The following LRRC37A2 variants were observed in gnomAD, a reference collection of about 807,000 sequenced individuals.
LRRC37A2 encodes the protein leucine rich repeat containing 37 member A2.
A neutral mutation model predicts 68.8 loss-of-function variants in LRRC37A2; 9 were observed. That is an observed-to-expected ratio of 0.13 (90% CI 0.08 to 0.23). The LOEUF (loss-of-function observed/expected upper bound fraction) is 0.23. Ranked by LOEUF, LRRC37A2 falls within the 10% of genes least tolerant of loss-of-function variation. The pLI is 1.00. For synonymous variants in LRRC37A2, 63 were observed against 367.6 expected, an observed-to-expected ratio of 0.17 and a Z score of 9.48; for missense variants, 168 against 950.4, an observed-to-expected ratio of 0.18 and a Z score of 10.82.
the LRRC37A2 span, among the ~76,000 whole-genome samples, chr17:46,809,637 G>A: frequency 1.3e-5 from 2 of 152,104 alleles, no homozygotes; most frequent in Non-Finnish European, 2.9e-5. Context: ...CTTTGCCCTC[G>A]CCCCCCTCAC....
At chr17:46,839,341 C>T in the LRRC37A2 span, among the ~76,000 whole-genome samples, 9 of 152,340 alleles carry the variant, frequency 5.9e-5, no homozygotes, top group African/African-American at 2.2e-4. Context: ...GCTGTGGGTA[C>T]CTGACCCTTG....
chr17:46,986,505 A>G, the LRRC37A2 span, among the ~76,000 whole-genome samples: 91 of 152,340 alleles, frequency 6.0e-4, no homozygotes, highest in African/African-American at 2.1e-3. Flanking sequence ...CCGAGTAGAA[A>G]AAACAAGCCT....
At chr17:46,922,026 ATTTACATGTATG>A in the LRRC37A2 span, among the ~76,000 whole-genome samples, 1 of 152,220 alleles carries the variant, frequency 6.6e-6, no homozygotes, top group African/African-American at 2.4e-5. Context: ...ATAAAGACAC[ATTTACATGTATG>A]TTTATTGCAG....
chr17:46,726,562 C>T, the LRRC37A2 span: 2 of 1,613,848 alleles, frequency 1.2e-6, no homozygotes, highest in Non-Finnish European at 1.7e-6. Flanking sequence ...TTTGATGATG[C>T]GTACAAATCC....
the LRRC37A2 span, among the ~76,000 whole-genome samples, chr17:46,712,697 C>T: frequency 2.3e-4 from 35 of 152,170 alleles, no homozygotes; most frequent in Admixed American, 2.2e-3. Context: ...AAATCACTTA[C>T]AGTGAGGGTG....
the LRRC37A2 span, among the ~76,000 whole-genome samples, chr17:46,716,503 C>G: frequency 6.6e-6 from 1 of 152,110 alleles, no homozygotes; most frequent in African/African-American, 2.4e-5. Context: ...ATGATCCGCA[C>G]GCCTCAGCCT....
the LRRC37A2 span, among the ~76,000 whole-genome samples, chr17:46,892,600 C>G: frequency 6.6e-6 from 1 of 152,358 alleles, no homozygotes; most frequent in African/African-American, 2.4e-5. Flanking sequence ...ATCTCTCTCC[C>G]CACACTGGAC....
the LRRC37A2 span, among the ~76,000 whole-genome samples, chr17:46,589,340 ATTTTTT>A: frequency 5.1e-5 from 4 of 78,678 alleles, no homozygotes; most frequent in Admixed American, 1.4e-4. Flanking sequence ...ATAGGCGTGA[ATTTTTT>A]TTTTTTTTTT....
chr17:46,722,197 T>C, the LRRC37A2 span: 1 of 1,592,714 alleles, frequency 6.3e-7, no homozygotes, highest in African/African-American at 1.3e-5. Flanking sequence ...TTGCAGCGCC[T>C]GCTTAGGAAG....
the LRRC37A2 span, among the ~76,000 whole-genome samples, chr17:46,843,267 C>T: frequency 6.6e-6 from 1 of 152,228 alleles, no homozygotes; most frequent in South Asian, 2.1e-4. Flanking sequence ...AACACTTTTT[C>T]AACCTCCTCT....
chr17:46,912,348 G>T, the LRRC37A2 span, among the ~76,000 whole-genome samples: 1 of 152,220 alleles, frequency 6.6e-6, no homozygotes, highest in Non-Finnish European at 1.5e-5. Context: ...GGTTAATCGG[G>T]AATTCTTTCC....
chr17:46,858,713 A>T, the LRRC37A2 span, among the ~76,000 whole-genome samples: 1 of 152,154 alleles, frequency 6.6e-6, no homozygotes, highest in Non-Finnish European at 1.5e-5. Flanking sequence ...CTCACAAGGA[A>T]ACTAAATGTG....
chr17:46,912,346 G>A, the LRRC37A2 span, among the ~76,000 whole-genome samples: 1 of 152,334 alleles, frequency 6.6e-6, no homozygotes, highest in East Asian at 1.9e-4. Context: ...GGGGTTAATC[G>A]GGAATTCTTT....
chr17:46,890,239 C>T, the LRRC37A2 span, among the ~76,000 whole-genome samples: 4 of 152,176 alleles, frequency 2.6e-5, no homozygotes, highest in Admixed American at 2.6e-4. Context: ...TCCTTCATCT[C>T]AGCTTAAAAT....
chr17:46,557,493 C>G, downstream of LRRC37A2: 1 of 449,514 alleles, frequency 2.2e-6, no homozygotes, highest in Non-Finnish European at 3.6e-6. Context: ...CCACCAGAGC[C>G]TGCACACCTG....
chr17:46,572,589 T>TA, the LRRC37A2 span, among the ~76,000 whole-genome samples: 5 of 2,032 alleles, frequency 2.5e-3, no homozygotes, highest in African/African-American at 2.6e-3. Context: ...AATTAAAAAT[T>TA]AAAAAAAAAA....
At chr17:46,953,936 C>G in the LRRC37A2 span, among the ~76,000 whole-genome samples, 1 of 152,076 alleles carries the variant, frequency 6.6e-6, no homozygotes, top group Non-Finnish European at 1.5e-5. Flanking sequence ...TTGATATTAG[C>G]CCTTTGTCAG....
chr17:47,028,339 A>G, the LRRC37A2 span: 114,884 of 1,467,970 alleles, frequency 0.078, 5,145 homozygotes, highest in African/African-American at 0.095. Context: ...GCCTGGCACG[A>G]AATGCAGTTT....
the LRRC37A2 span, chr17:46,921,354 T>C: frequency 3.9e-5 from 6 of 152,214 alleles, no homozygotes; most frequent in South Asian, 2.1e-4. Context: ...AAGACTTACA[T>C]GTTAGACCTA....
Sources: gnomAD v4.1 joint callset for allele counts (sites outside exome capture counted in the v4.1 genomes callset) on GRCh38, gnomAD v4.1.1 for gene constraint, MANE v1.5 for transcripts, NCBI Gene and HGNC (gene_info 2026-07-23, HGNC 2026-07-21) for gene names.